The following ABLIM1 variants were observed in gnomAD, a reference collection of about 807,000 sequenced individuals.
ABLIM1 encodes actin binding LIM protein 1.
ABLIM1 carries 40 observed loss-of-function variants against 107.0 expected under a neutral mutation model. The ratio of observed to expected loss-of-function variants is 0.37; its 90% CI spans 0.29 to 0.49. The LOEUF is 0.49. ABLIM1 is among the 20% of genes least tolerant of loss of function. The pLI is 0.97. For missense variants in ABLIM1, 857 were observed against 1,008.5 expected, an observed-to-expected ratio of 0.85 and a Z score of 2.04; for synonymous variants, 357 against 357.3, an observed-to-expected ratio of 1.00 and a Z score of 0.01.
At chr10:114,730,561 C>A (rs2082052138) in intron 1 of ABLIM1, among the ~76,000 whole-genome samples, 1 of 151,946 alleles carries the variant, frequency 6.6e-6, no homozygotes, top group African/African-American at 2.4e-5. Flanking sequence ...TCATAGCCAA[C>A]CAATGGCAAG....
chr10:114,579,017 C>A (rs189886122), intron 2 of ABLIM1, among the ~76,000 whole-genome samples: 1 of 151,886 alleles, frequency 6.6e-6, no homozygotes, highest in Non-Finnish European at 1.5e-5. Flanking sequence ...GAACTCCTGA[C>A]CACAGGTGAT....
the ABLIM1 span, among the ~76,000 whole-genome samples, chr10:114,786,987 G>A: frequency 2.4e-4 from 36 of 148,760 alleles, no homozygotes; most frequent in African/African-American, 7.9e-4. Context: ...CCCTCTGCCT[G>A]GCTGCCCAGT....
intron 1 of ABLIM1, among the ~76,000 whole-genome samples, chr10:114,642,250 T>A (rs1461449813): frequency 6.6e-6 from 1 of 152,114 alleles, no homozygotes; most frequent in Non-Finnish European, 1.5e-5. Flanking sequence ...CTCCATGGGA[T>A]CCTCTGCTGC....
chr10:114,761,497 G>T (rs751042733), intron 1 of ABLIM1, among the ~76,000 whole-genome samples: 1 of 152,030 alleles, frequency 6.6e-6, no homozygotes, highest in South Asian at 2.1e-4. Flanking sequence ...CTTGTCATGC[G>T]CAACCATCTC....
At chr10:114,685,235 G>A (rs993196096), upstream of ABLIM1, among the ~76,000 whole-genome samples, 4 of 152,144 alleles carry the variant, frequency 2.6e-5, no homozygotes, top group African/African-American at 9.7e-5. Flanking sequence ...AATGGAAAAA[G>A]ACCCTTAGGA....
intron 1 of ABLIM1, among the ~76,000 whole-genome samples, chr10:114,602,980 G>A (rs2076136682): frequency 6.6e-6 from 1 of 152,182 alleles, no homozygotes; most frequent in Admixed American, 6.5e-5. Flanking sequence ...ATGCAGATAG[G>A]CAGTGTTTGC....
At chr10:114,598,502 C>T (rs915137987) in intron 2 of ABLIM1, among the ~76,000 whole-genome samples, 1 of 152,024 alleles carries the variant, frequency 6.6e-6, no homozygotes, top group African/African-American at 2.4e-5. Flanking sequence ...GCAGGAGAAT[C>T]CCTTGAACCT....
rs145791938 is a variant in ABLIM1, at chr10:114,543,581, G to C, written c.894+1424C>G. Among the ~76,000 whole-genome samples the C allele has an allele frequency of 1.3e-3, 198 of 152,252 alleles. 1 individual carries two copies. Among genetic ancestry groups the C allele is most frequent in the African/African-American group, 4.4e-3 (182 of 41,540 alleles). ...TCTACCTTTCGGCTGATGTGAATAG[G>C]GCTGCTGTGAACGCGTGCGTACATA... On this transcript the variant is annotated intron_variant, in intron 6 of 22. Coordinates refer to ENST00000533213, the MANE Select transcript of ABLIM1 (RefSeq NM_002313.7).
intron 6 of ABLIM1, among the ~76,000 whole-genome samples, chr10:114,494,983 A>G (rs916421974): frequency 3.3e-5 from 5 of 152,052 alleles, no homozygotes; most frequent in East Asian, 1.9e-4. Context: ...CCCCTCATCA[A>G]TCCTGTAAGG....
intron 1 of ABLIM1, among the ~76,000 whole-genome samples, chr10:114,692,759 G>A (rs914504944): frequency 5.9e-5 from 9 of 152,042 alleles, no homozygotes; most frequent in African/African-American, 9.7e-5. Context: ...GCGTGGTGGC[G>A]GGTACCTGTA....
intron 1 of ABLIM1, chr10:114,613,782 C>T: frequency 7.8e-7 from 1 of 1,285,308 alleles, no homozygotes; most frequent in Non-Finnish European, 1.0e-6. Context: ...CTCTAAACAC[C>T]TAGGCTCCTG....
upstream of ABLIM1, among the ~76,000 whole-genome samples, chr10:114,771,581 A>G (rs1281521390): frequency 2.6e-5 from 4 of 152,232 alleles, no homozygotes; most frequent in Non-Finnish European, 5.9e-5. Context: ...CTATAATCTC[A>G]GAAATCTGAA....
intron 1 of ABLIM1, among the ~76,000 whole-genome samples, chr10:114,762,453 T>C (rs981821052): frequency 6.6e-6 from 1 of 152,230 alleles, no homozygotes; most frequent in Non-Finnish European, 1.5e-5. Context: ...CAATAAATGT[T>C]CATCAGATAA....
At chr10:114,640,313 G>A (rs2078681713) in intron 1 of ABLIM1, among the ~76,000 whole-genome samples, 1 of 152,228 alleles carries the variant, frequency 6.6e-6, no homozygotes, top group African/African-American at 2.4e-5. Context: ...GATCATCTGA[G>A]GCCAGGAGTT....
chr10:114,461,092 T>G (rs1224412629), intron 12 of ABLIM1, among the ~76,000 whole-genome samples: 1 of 151,902 alleles, frequency 6.6e-6, no homozygotes, highest in African/African-American at 2.4e-5. Context: ...GAGACAGGGT[T>G]TTGCTCTGTC....
intron 1 of ABLIM1, among the ~76,000 whole-genome samples, chr10:114,665,932 C>T (rs1252106978): frequency 6.6e-6 from 1 of 152,198 alleles, no homozygotes; most frequent in African/African-American, 2.4e-5. Context: ...ATGCCTTTGG[C>T]TATTTTGGAG....
chr10:114,662,193 T>G (rs1202572165), upstream of ABLIM1, among the ~76,000 whole-genome samples: 1 of 152,204 alleles, frequency 6.6e-6, no homozygotes, highest in Non-Finnish European at 1.5e-5. Flanking sequence ...GTTCTGCAGT[T>G]AGCCTGTGGC....
intron 6 of ABLIM1, among the ~76,000 whole-genome samples, chr10:114,509,246 G>A (rs373579073): frequency 3.3e-5 from 5 of 152,156 alleles, no homozygotes; most frequent in Admixed American, 6.5e-5. Flanking sequence ...TGGAGAGTGC[G>A]GTGTGAGAAA....
At chr10:114,574,683 G>T (rs1206928206) in intron 3 of ABLIM1, among the ~76,000 whole-genome samples, 1 of 152,072 alleles carries the variant, frequency 6.6e-6, no homozygotes, top group Non-Finnish European at 1.5e-5. Context: ...CTCAGGTGAT[G>T]TACCTGCCTC....
Sources: allele counts gnomAD v4.1 joint callset (sites outside exome capture counted in the v4.1 genomes callset), GRCh38; gene constraint gnomAD v4.1.1; transcripts MANE v1.5; gene names NCBI Gene and HGNC (gene_info 2026-07-23, HGNC 2026-07-21).